Variants in PADI2 observed in about 807,000 individuals in gnomAD.
PADI2 encodes the protein protein-arginine deiminase type-2.
PADI2 carries 70 observed loss-of-function variants against 81.1 expected under a neutral mutation model. The ratio of observed to expected loss-of-function variants is 0.86; its 90% CI spans 0.71 to 1.05. PADI2 has a LOEUF of 1.05. Among genes scored for constraint, PADI2 ranks in the 50% least tolerant of loss-of-function variants. PADI2 has a pLI of 0.00. For missense variants in PADI2, 853 were observed against 889.9 expected (o/e 0.96, Z 0.53); for synonymous variants, 338 against 358.0 (o/e 0.94, Z 0.63).
chr1:17,102,311 G>A (rs527486649), intron 3 of PADI2, among the ~76,000 whole-genome samples: 4 of 152,300 alleles, frequency 2.6e-5, no homozygotes, highest in African/African-American at 9.6e-5. Flanking sequence ...ACAGCCAAGG[G>A]TCCTGTAGAG....
intron 3 of PADI2, among the ~76,000 whole-genome samples, chr1:17,101,148 T>C (rs1292331085): frequency 6.6e-6 from 1 of 152,170 alleles, no homozygotes; most frequent in Admixed American, 6.5e-5. Context: ...TGGTCACTTG[T>C]CGTGGGCACA....
Position 17,090,889 on chromosome 1 carries a change from G to A in PADI2, c.655+1519C>T, listed in dbSNP as rs113954869. ...CAAAAAGAAGAAACTTCTAGATAAT[G>A]TCCAGACATCATTATTTGCAACAGG... On this transcript the variant is annotated intron_variant, in intron 6 of 15. Coordinates refer to ENST00000375486, the MANE Select transcript of PADI2 (RefSeq NM_007365.3). Among the ~76,000 whole-genome samples the A allele has an allele frequency of 2.4e-3, 371 of 152,178 alleles. 2 individuals carry two copies. The highest frequency in any genetic ancestry group is 8.8e-3 in the African/African-American group (364 of 41,542).
At chr1:17,082,475 T>C in intron 10 of PADI2, 70 bp downstream of exon 10, 1 of 1,019,174 alleles carries the variant, frequency 9.8e-7, no homozygotes, top group Non-Finnish European at 1.6e-6. Flanking sequence ...GCCCAGGGTC[T>C]CCTGACCACT....
intron 1 of PADI2, among the ~76,000 whole-genome samples, chr1:17,108,453 G>A (rs1931462765): frequency 6.6e-6 from 1 of 152,226 alleles, no homozygotes; most frequent in Non-Finnish European, 1.5e-5. Flanking sequence ...CCTAGGGCTG[G>A]GGCCACGTTT....
intron 4 of PADI2, 115 bp downstream of exon 4, chr1:17,095,794 G>T: frequency 1.4e-6 from 1 of 733,978 alleles, no homozygotes; most frequent in Admixed American, 2.3e-5. Flanking sequence ...GTGTCTGGGA[G>T]CCTGTCTTGG....
intron 2 of PADI2, among the ~76,000 whole-genome samples, chr1:17,103,379 G>T (rs1931223345): frequency 6.6e-6 from 1 of 152,216 alleles, no homozygotes; most frequent in African/African-American, 2.4e-5. Flanking sequence ...CCACTGAGGG[G>T]ACAGGGCTGA....
At chr1:17,098,345 T>C (rs1931019830) in intron 3 of PADI2, among the ~76,000 whole-genome samples, 1 of 152,194 alleles carries the variant, frequency 6.6e-6, no homozygotes, top group African/African-American at 2.4e-5. Context: ...TGGGACTCCT[T>C]GTGGCGAGTC....
intron 3 of PADI2, among the ~76,000 whole-genome samples, chr1:17,102,675 G>A (rs748438815): frequency 6.6e-6 from 1 of 151,518 alleles, no homozygotes; most frequent in Non-Finnish European, 1.5e-5. Context: ...CAGGCTGCAG[G>A]GGAGAGGCAG....
intron 3 of PADI2, among the ~76,000 whole-genome samples, chr1:17,099,147 A>G (rs1931051002): frequency 2.0e-5 from 3 of 152,208 alleles, no homozygotes; most frequent in Non-Finnish European, 2.9e-5. Context: ...ACCGAGAGGC[A>G]CAAGCATTTT....
chr1:17,082,593 G>T lies in PADI2; in HGVS notation c.1110C>A (p.Asp370Glu). The change falls in exon 10 of 16, where the codon GAC (aspartate) becomes GAA (glutamate). Residue 370 changes from aspartate to glutamate, a missense_variant. Physicochemically the swap from Asp to Glu is conservative, Grantham distance 45. Coordinates refer to ENST00000375486, the MANE Select transcript of PADI2 (RefSeq NM_007365.3). ...APHKGFPVVL[D>E]SPRDGNLKDF... ...CCTTTAGGTTTCCATCTCGGGGAGA[G>T]TCCAGCACCACGGGGAAGCCTTTAT... 1 of 1,613,034 alleles carries T rather than the reference G, an allele frequency of 6.2e-7. No homozygotes were observed. The highest frequency in any genetic ancestry group is 8.5e-7 in the Non-Finnish European group (1 of 1,179,630).
rs938878233 is a variant in PADI2, at chr1:17,084,512, C to A, written c.938+87G>T. 4.1e-6 allele frequency: 3 copies of A among 733,336 alleles called. No homozygotes were observed. In the African/African-American group the frequency reaches 5.3e-5, roughly 13 times the overall value. The allele number at this position is 733,336 out of a possible 1,614,324, so 45.4% of individuals were successfully genotyped here. ...CTCAAGGTAACACAGTGGTAAGTGA[C>A]GGGGCCAGGAACTAGACTCATGTCC... On this transcript the variant is annotated intron_variant, in intron 8 of 15. Coordinates refer to ENST00000375486, the MANE Select transcript of PADI2 (RefSeq NM_007365.3).
In PADI2 at chr1:17,092,489, C is replaced by T. The variant is rs371489375; in HGVS notation, c.574G>A (p.Asp192Asn). 5.9e-5 allele frequency: 95 copies of T among 1,602,578 alleles called. No homozygotes were observed. Among genetic ancestry groups the T allele is most frequent in the South Asian group, 1.4e-4 (13 of 90,036 alleles). Residue 192 changes from aspartate to asparagine, a missense_variant, in exon 6 of 16, where the codon GAC becomes AAC. Physicochemically the swap from Asp to Asn is conservative, Grantham distance 23. Transcript: ENST00000375486. The stretch of plus-strand genomic sequence containing the variant: ...ATCTCGTATCCGGCGGGGAGGCGGT[C>T]GGGGCCTTTGGTCCGCAGGATCATC... ...SQMILRTKGP[D>N]RLPAGYEIVL...
At position 17,094,800 on chromosome 1, in the gene PADI2, T is replaced by G. The variant is rs1166077780; in HGVS notation, c.411+1109A>C. Among the ~76,000 whole-genome samples the G allele has an allele frequency of 3.4e-4, 51 of 152,198 alleles. 2 individuals carry two copies. The highest frequency in any genetic ancestry group is 3.3e-3 in the Admixed American group (51 of 15,282). On this transcript the variant is annotated intron_variant, in intron 4 of 15. Transcript: ENST00000375486. ...ACTTTCCCAAGACTGCCCAGCCCCTTGGGGGAGGTTGGAAGCTGTCGCCCT... is the reference window on the plus strand; with the variant it reads ...ACTTTCCCAAGACTGCCCAGCCCCTGGGGGGAGGTTGGAAGCTGTCGCCCT...
chr1:17,085,777 T>C (rs1256997602), intron 7 of PADI2, among the ~76,000 whole-genome samples: 1 of 152,196 alleles, frequency 6.6e-6, no homozygotes, highest in South Asian at 2.1e-4. Context: ...ATAGCACCCA[T>C]TGTATCCTTT....
intron 1 of PADI2, among the ~76,000 whole-genome samples, chr1:17,108,394 C>T (rs1931461394): frequency 6.6e-6 from 1 of 152,106 alleles, no homozygotes; most frequent in South Asian, 2.1e-4. Flanking sequence ...GTCCCTACGC[C>T]TCAGGAGGAC....
chr1:17,109,764 T>C (rs950143947), intron 1 of PADI2, among the ~76,000 whole-genome samples: 10 of 152,194 alleles, frequency 6.6e-5, no homozygotes, highest in Non-Finnish European at 1.2e-4. Flanking sequence ...GTGCTGGGAT[T>C]ACAGGAGTGA....
At chr1:17,069,938 G>A (rs2078253268) in intron 15 of PADI2, 150 bp downstream of exon 15, 1 of 796,786 alleles carries the variant, frequency 1.3e-6, no homozygotes, top group African/African-American at 1.8e-5. Context: ...GAGGCCCAGA[G>A]AGGGCAAGTG....
chr1:17,101,818 C>T (rs149187398), intron 3 of PADI2, among the ~76,000 whole-genome samples: 51 of 152,280 alleles, frequency 3.3e-4, no homozygotes, highest in African/African-American at 1.2e-3. Context: ...GATGTAGCTG[C>T]AGGCAAGTAT....
chr1:17,085,876 G>A (rs113382668), intron 7 of PADI2, among the ~76,000 whole-genome samples: 2,634 of 152,322 alleles, frequency 0.017, 39 homozygotes, highest in Non-Finnish European at 0.028. Flanking sequence ...GAAACAGGGT[G>A]GGCCTGAGAG....
Sources: allele counts gnomAD v4.1 joint callset (sites outside exome capture counted in the v4.1 genomes callset), GRCh38; gene constraint gnomAD v4.1.1; transcripts MANE v1.5; gene names NCBI Gene and HGNC (gene_info 2026-07-23, HGNC 2026-07-21).